Variants in ADGRF5 observed in about 807,000 individuals in gnomAD.
ADGRF5 encodes the protein G-protein coupled receptor 116.
ADGRF5 carries 75 observed loss-of-function variants against 132.3 expected under a neutral mutation model. That is an observed-to-expected ratio of 0.57 (90% CI 0.47 to 0.69). The LOEUF (loss-of-function observed/expected upper bound fraction) is 0.69, where lower values mean the gene tolerates loss of function less well. ADGRF5 is among the 30% of genes least tolerant of loss of function. The pLI is 0.00. For synonymous variants in ADGRF5, 629 were observed against 597.6 expected (o/e 1.05, Z -0.77); for missense variants, 1,516 against 1,630.6 (o/e 0.93, Z 1.21).
intron 1 of ADGRF5, among the ~76,000 whole-genome samples, chr6:46,938,272 A>G (rs1218644898): frequency 6.6e-6 from 1 of 152,146 alleles, no homozygotes; most frequent in Non-Finnish European, 1.5e-5. Flanking sequence ...CTGGCCTCAG[A>G]CACCATCACC....
chr6:46,878,193 C>T lies in ADGRF5; in HGVS notation c.1240+9G>A, dbSNP rs142117904. Reference sequence around the variant, plus strand: ...CCTATTTGCAAAAGGGCTTATCTAACATTCTCACCTGGAATATTTATTTTT... The same window carrying T: ...CCTATTTGCAAAAGGGCTTATCTAATATTCTCACCTGGAATATTTATTTTT... On this transcript the variant is annotated intron_variant, in intron 10 of 20. Transcript: ENST00000283296. The T allele has an allele frequency of 3.8e-6, 6 of 1,591,156 alleles. No individual in the cohort carries two copies. In the South Asian group the frequency reaches 5.5e-5, roughly 15 times the overall value.
chr6:46,890,618 G>A (rs989934171), intron 3 of ADGRF5, among the ~76,000 whole-genome samples: 1 of 152,112 alleles, frequency 6.6e-6, no homozygotes, highest in East Asian at 2.0e-4. Context: ...TCAGGAGGCT[G>A]AGGCAGAAGA....
intron 10 of ADGRF5, among the ~76,000 whole-genome samples, chr6:46,874,014 T>C (rs759177973): frequency 6.6e-6 from 1 of 152,210 alleles, no homozygotes; most frequent in Non-Finnish European, 1.5e-5. Flanking sequence ...CCATTACACA[T>C]GATTGTAGCT....
At chr6:46,925,618 G>A (rs2012011), upstream of ADGRF5, among the ~76,000 whole-genome samples, 19,745 of 152,182 alleles carry the variant, frequency 0.13, 1,397 homozygotes, top group Middle Eastern at 0.18. Context: ...TTAGCAGGGC[G>A]TGTTGGCAGG....
intron 2 of ADGRF5, among the ~76,000 whole-genome samples, chr6:46,904,360 C>T (rs565329399): frequency 5.1e-4 from 78 of 152,296 alleles, no homozygotes; most frequent in Middle Eastern, 3.4e-3. Context: ...GGATATTATT[C>T]GGCCTTAAAA....
At chr6:46,884,680 A>G (rs1421924241) in intron 4 of ADGRF5, among the ~76,000 whole-genome samples, 3 of 152,196 alleles carry the variant, frequency 2.0e-5, no homozygotes, top group Non-Finnish European at 4.4e-5. Flanking sequence ...AATCAACAGA[A>G]TAAGGTAGAG....
At chr6:46,917,090 T>G (rs1419196425) in intron 1 of ADGRF5, among the ~76,000 whole-genome samples, 2 of 152,248 alleles carry the variant, frequency 1.3e-5, no homozygotes, top group Non-Finnish European at 2.9e-5. Context: ...ATGGCAAGCA[T>G]TAGGTTAAGC....
rs6940352 is a variant in ADGRF5, at chr6:46,942,752, T to C, written c.-25+11982A>G. ...TCTTTCTCTAAATATGCCTATTTTA[T>C]CTCTAGACTGCTAATATTTCTTTCT... On this transcript the variant is annotated intron_variant, in intron 1 of 20. Transcript: ENST00000265417. Among the ~76,000 whole-genome samples the C allele has an allele frequency of 6.9e-3, 1,052 of 152,350 alleles. 10 individuals are homozygous for C. Among genetic ancestry groups the C allele is most frequent in the African/African-American group, 0.024 (992 of 41,588 alleles).
intron 11 of ADGRF5, among the ~76,000 whole-genome samples, chr6:46,871,467 G>C (rs1467917220): frequency 1.3e-5 from 2 of 152,094 alleles, no homozygotes; most frequent in African/African-American, 2.4e-5. Context: ...AAGAATGGGA[G>C]AATGAAGTAA....
At chr6:46,928,890 G>T (rs1007032802) in intron 1 of ADGRF5, among the ~76,000 whole-genome samples, 7 of 152,202 alleles carry the variant, frequency 4.6e-5, no homozygotes, top group African/African-American at 1.7e-4. Flanking sequence ...TTACACTGTT[G>T]CTGGGACTGT....
At chr6:46,872,130 C>CCATTCAGAGAAGAAA in intron 10 of ADGRF5, 117 bp from the exon 11 acceptor site, 2 of 704,928 alleles carry the variant, frequency 2.8e-6, no homozygotes, top group African/African-American at 1.8e-5. Flanking sequence ...GATTTCTTCT[C>CCATTCAGAGAAGAAA]TGAATGGAGA....
At chr6:46,854,763 G>T in intron 20 of ADGRF5, 1 of 1,286,380 alleles carries the variant, frequency 7.8e-7, no homozygotes, top group Non-Finnish European at 1.0e-6. Flanking sequence ...GTCATGGCCT[G>T]GGGGGATCTT....
chr6:46,877,362 TTTCTTTCTTTCTTTCTTTCTTTC>T (rs1174788501), intron 10 of ADGRF5, among the ~76,000 whole-genome samples: 2 of 50,148 alleles, frequency 4.0e-5, no homozygotes, highest in Admixed American at 1.9e-4. Context: ...TCTTTCTTTC[TTTCTTTCTTTCTTTCTTTCTTTC>T]TTCTTTCTTT....
Position 46,858,689 on chromosome 6 carries a change from C to A in ADGRF5, c.3214G>T (p.Ala1072Ser). 6.2e-7 allele frequency: 1 copy of A among 1,614,084 alleles called. No homozygotes were observed. The highest frequency in any genetic ancestry group is 8.5e-7 in the Non-Finnish European group (1 of 1,179,996). Reference sequence around the variant, plus strand: ...ATGTAGCGATTGTCCTGGATGGCAGCGACCACAATGAACCAGGTGTTGGCG... The same window carrying A: ...ATGTAGCGATTGTCCTGGATGGCAGAGACCACAATGAACCAGGTGTTGGCG... ...LVANTWFIVV[A>S]AIQDNRYILC... Residue 1072 changes from alanine (A) to serine (S), a missense_variant, in exon 17 of 21, where the codon GCT becomes TCT. By Grantham distance (99) the Ala-to-Ser change is moderately conservative. Around this residue, in one of 2 missense-constraint regions of ADGRF5, gnomAD observed 571 missense variants for 701.2 expected, o/e 0.81. Coordinates refer to ENST00000283296, the MANE Select transcript of ADGRF5 (RefSeq NM_001098518.2).
At chr6:46,909,138 A>G (rs1348538411) in intron 1 of ADGRF5, 3 of 152,242 alleles carry the variant, frequency 2.0e-5, no homozygotes, top group Admixed American at 6.5e-5. Flanking sequence ...GGAAAAGTCT[A>G]TATTCATCCA....
chr6:46,929,554 T>C (rs1777453085), intron 1 of ADGRF5, among the ~76,000 whole-genome samples: 1 of 142,616 alleles, frequency 7.0e-6, no homozygotes, highest in Non-Finnish European at 1.5e-5. Flanking sequence ...AAAAAAAAGA[T>C]ATCCCTTTCT....
At position 46,878,205 on chromosome 6, in the gene ADGRF5, G is replaced by T. The variant is rs191079165; in HGVS notation, c.1237C>A (p.Pro413Thr). ...EWKQEGKINI[P>T]GTPETDIDSS... ...AGGGCTTATCTAACATTCTCACCTG[G>T]AATATTTATTTTTCCTTCCTGCTTC... The change falls in exon 10 of 21, where the codon CCA becomes ACA. Residue 413 changes from proline to threonine, a missense_variant. Around this residue, in one of 2 missense-constraint regions of ADGRF5, gnomAD observed 945 missense variants for 929.4 expected, o/e 1.02. Coordinates refer to ENST00000283296, the MANE Select transcript of ADGRF5 (RefSeq NM_001098518.2). The T allele has an allele frequency of 2.6e-5, 42 of 1,603,592 alleles. No individual in the cohort carries two copies. In the East Asian group the frequency reaches 8.7e-4, roughly 33 times the overall value.
intron 1 of ADGRF5, among the ~76,000 whole-genome samples, chr6:46,950,013 T>C (rs932322065): frequency 1.3e-5 from 2 of 152,218 alleles, no homozygotes; most frequent in East Asian, 3.8e-4. Flanking sequence ...ATCCTCACTC[T>C]AGCCTGATGA....
chr6:46,928,676 A>C (rs1777382841), intron 1 of ADGRF5, among the ~76,000 whole-genome samples: 1 of 152,094 alleles, frequency 6.6e-6, no homozygotes, highest in African/African-American at 2.4e-5. Flanking sequence ...TCTGAGTCTC[A>C]ATTGCTTTCT....
Sources: allele counts gnomAD v4.1 joint callset (sites outside exome capture counted in the v4.1 genomes callset), GRCh38; gene constraint gnomAD v4.1.1; regional missense constraint gnomAD v4.1.1; transcripts MANE v1.5; gene names NCBI Gene and HGNC (gene_info 2026-07-23, HGNC 2026-07-21).